The following LINGO2 variants were observed in gnomAD, a reference collection of about 807,000 sequenced individuals.
The protein encoded by LINGO2 is leucine rich repeat and Ig domain containing 2.
A neutral mutation model predicts 30.6 loss-of-function variants in LINGO2; 14 were observed. The observed-to-expected ratio is 0.46, with a 90% CI of 0.30 to 0.72. LINGO2 has a LOEUF of 0.72. Ranked by LOEUF, LINGO2 falls within the 30% of genes least tolerant of loss-of-function variation. The pLI, the probability that LINGO2 is intolerant of heterozygous loss-of-function variation, is 0.07. For missense variants in LINGO2, 729 were observed against 751.7 expected (o/e 0.97, Z 0.35); for synonymous variants, 317 against 288.5 (o/e 1.10, Z -1.00).
intron 2 of LINGO2, among the ~76,000 whole-genome samples, chr9:28,377,733 T>A (rs1300556057): frequency 1.3e-5 from 2 of 152,212 alleles, no homozygotes; most frequent in African/African-American, 4.8e-5. Flanking sequence ...TAATGCCATT[T>A]TTCTAGGAAG....
intron 4 of LINGO2, among the ~76,000 whole-genome samples, chr9:28,140,701 G>C (rs529747947): frequency 3.6e-4 from 54 of 152,064 alleles, no homozygotes; most frequent in Non-Finnish European, 6.5e-4. Flanking sequence ...TTTTCCCATG[G>C]CATTTTGTAC....
chr9:29,151,394 A>G, the LINGO2 span, among the ~76,000 whole-genome samples: 2 of 152,218 alleles, frequency 1.3e-5, no homozygotes, highest in Admixed American at 6.5e-5. Flanking sequence ...ATCAAAAGCT[A>G]TTATATCAAT....
the LINGO2 span, among the ~76,000 whole-genome samples, chr9:28,714,228 T>C: frequency 6.9e-6 from 1 of 144,732 alleles, no homozygotes; most frequent in Non-Finnish European, 1.5e-5. Context: ...TATACATATA[T>C]ATATATCTCT....
intron 4 of LINGO2, among the ~76,000 whole-genome samples, chr9:28,131,065 A>G (rs552731281): frequency 6.6e-6 from 1 of 152,100 alleles, no homozygotes; most frequent in South Asian, 2.1e-4. Context: ...CCTCATAATG[A>G]AGGTTTTTTA....
intron 5 of LINGO2, among the ~76,000 whole-genome samples, chr9:27,953,894 A>G (rs1587524386): frequency 6.6e-6 from 1 of 152,322 alleles, no homozygotes; most frequent in African/African-American, 2.4e-5. Flanking sequence ...ATATACATAC[A>G]TGTATGAAAG....
chr9:28,730,442 A>G, the LINGO2 span, among the ~76,000 whole-genome samples: 11 of 152,234 alleles, frequency 7.2e-5, no homozygotes, highest in Non-Finnish European at 7.3e-5. Flanking sequence ...TGTCCTGATC[A>G]AAATTTAAAA....
At chr9:28,071,123 A>G (rs917717980) in intron 4 of LINGO2, among the ~76,000 whole-genome samples, 2 of 152,182 alleles carry the variant, frequency 1.3e-5, no homozygotes, top group African/African-American at 4.8e-5. Context: ...CCTTACATGC[A>G]CTTATAGCGG....
chr9:28,753,304 T>C, the LINGO2 span, among the ~76,000 whole-genome samples: 2 of 152,018 alleles, frequency 1.3e-5, no homozygotes, highest in Non-Finnish European at 2.9e-5. Flanking sequence ...ATAGGGTGGT[T>C]TCTTTTTTCT....
chr9:28,949,155 G>A, the LINGO2 span, among the ~76,000 whole-genome samples: 3 of 151,872 alleles, frequency 2.0e-5, no homozygotes, highest in African/African-American at 4.8e-5. Context: ...GGAGAAAGTG[G>A]GAAAGATCTA....
intron 4 of LINGO2, among the ~76,000 whole-genome samples, chr9:28,079,508 C>G (rs1250798505): frequency 6.6e-6 from 1 of 152,188 alleles, no homozygotes; most frequent in Admixed American, 6.5e-5. Context: ...AGCTTATGCT[C>G]TCTGTCCCCT....
chr9:28,337,406 G>A (rs761797361), intron 3 of LINGO2, among the ~76,000 whole-genome samples: 9 of 152,228 alleles, frequency 5.9e-5, no homozygotes, highest in East Asian at 3.9e-4. Flanking sequence ...TCTGCAGCCC[G>A]AAGATGTGAT....
intron 5 of LINGO2, among the ~76,000 whole-genome samples, chr9:27,976,913 CT>C (rs1242858706): frequency 6.6e-6 from 1 of 151,878 alleles, no homozygotes; most frequent in African/African-American, 2.4e-5. Flanking sequence ...TTTTGCAGAA[CT>C]TTCTGTGTAT....
intron 4 of LINGO2, among the ~76,000 whole-genome samples, chr9:28,240,358 C>T (rs903006465): frequency 6.6e-6 from 1 of 152,056 alleles, no homozygotes; most frequent in East Asian, 1.9e-4. Context: ...GGATGCATCA[C>T]ATTACCTGAC....
intron 3 of LINGO2, among the ~76,000 whole-genome samples, chr9:28,370,411 G>A (rs1027301255): frequency 2.6e-5 from 4 of 151,990 alleles, no homozygotes; most frequent in Non-Finnish European, 5.9e-5. Flanking sequence ...TTCCTTCAGT[G>A]ATTTTTTTTT....
At chr9:28,268,277 A>C (rs1822822732) in intron 4 of LINGO2, among the ~76,000 whole-genome samples, 2 of 152,052 alleles carry the variant, frequency 1.3e-5, no homozygotes, top group South Asian at 4.1e-4. Context: ...TCTTTGGCTA[A>C]AGATAGATGC....
At chr9:28,173,887 A>G (rs1415925998) in intron 4 of LINGO2, among the ~76,000 whole-genome samples, 1 of 152,206 alleles carries the variant, frequency 6.6e-6, no homozygotes, top group Non-Finnish European at 1.5e-5. Flanking sequence ...GGAACCCTCA[A>G]CTGGACACAA....
chr9:28,046,623 C>T (rs1017836305), intron 4 of LINGO2, among the ~76,000 whole-genome samples: 7 of 152,134 alleles, frequency 4.6e-5, no homozygotes, highest in Non-Finnish European at 1.0e-4. Context: ...TTTACTGTCT[C>T]CTTGAAATTT....
At chr9:28,876,004 C>T in the LINGO2 span, among the ~76,000 whole-genome samples, 17 of 152,058 alleles carry the variant, frequency 1.1e-4, no homozygotes, top group South Asian at 1.4e-3. Context: ...CAAAAAAAAT[C>T]AACTAACAAT....
chr9:28,688,745 A>G, the LINGO2 span, among the ~76,000 whole-genome samples: 1 of 152,204 alleles, frequency 6.6e-6, no homozygotes, highest in East Asian at 1.9e-4. Flanking sequence ...AATAAAAAGG[A>G]ATCTCTACTG....
Sources: allele counts gnomAD v4.1 joint callset (sites outside exome capture counted in the v4.1 genomes callset), GRCh38; gene constraint gnomAD v4.1.1; transcripts MANE v1.5; gene names NCBI Gene and HGNC (gene_info 2026-07-23, HGNC 2026-07-21).